The following LCLAT1 variants were observed in gnomAD, a reference collection of about 807,000 sequenced individuals.
LCLAT1 encodes the protein lysocardiolipin acyltransferase 1, also known as 1-AGP acyltransferase 8.
LCLAT1 carries 11 observed loss-of-function variants against 30.7 expected under a neutral mutation model. The ratio of observed to expected loss-of-function variants is 0.36; its 90% CI spans 0.23 to 0.59. The LOEUF is 0.59. Ranked by LOEUF, LCLAT1 falls within the 20% of genes least tolerant of loss-of-function variation. LCLAT1 has a pLI of 0.77. For missense variants in LCLAT1, 402 were observed against 458.6 expected (o/e 0.88, Z 1.13); for synonymous variants, 155 against 151.3 (o/e 1.02, Z -0.18).
intron 3 of LCLAT1, among the ~76,000 whole-genome samples, chr2:30,556,440 G>C (rs1189865338): frequency 6.6e-6 from 1 of 151,900 alleles, no homozygotes; most frequent in Non-Finnish European, 1.5e-5. Context: ...CAGAAAATGG[G>C]AGAAAAATGG....
intron 5 of LCLAT1, among the ~76,000 whole-genome samples, chr2:30,621,200 T>C (rs1239926009): frequency 1.3e-5 from 2 of 152,202 alleles, no homozygotes; most frequent in African/African-American, 2.4e-5. Context: ...ATCCAGATGT[T>C]GACTCTCATG....
chr2:30,477,694 A>T (rs1683117855), intron 1 of LCLAT1, among the ~76,000 whole-genome samples: 1 of 152,168 alleles, frequency 6.6e-6, no homozygotes, highest in South Asian at 2.1e-4. Context: ...AATGAGAAGG[A>T]ATGTGAGAAG....
intron 3 of LCLAT1, among the ~76,000 whole-genome samples, chr2:30,537,542 A>ACACACACACACG: frequency 1.3e-5 from 2 of 151,918 alleles, no homozygotes; most frequent in South Asian, 4.2e-4. Context: ...ACACACACAC[A>ACACACACACACG]CACGCACGCA....
At chr2:30,609,201 G>A (rs1336083062) in intron 5 of LCLAT1, among the ~76,000 whole-genome samples, 2 of 151,962 alleles carry the variant, frequency 1.3e-5, no homozygotes, top group Non-Finnish European at 2.9e-5. Context: ...AGACATTGCA[G>A]GTATGTTCTA....
intron 1 of LCLAT1, among the ~76,000 whole-genome samples, chr2:30,500,342 G>A (rs1039671558): frequency 5.3e-5 from 8 of 152,136 alleles, no homozygotes; most frequent in Non-Finnish European, 8.8e-5. Context: ...TCAGGTTAGA[G>A]TTGTTTTGTA....
intron 1 of LCLAT1, among the ~76,000 whole-genome samples, chr2:30,498,832 G>A (rs556486725): frequency 3.3e-5 from 5 of 152,268 alleles, no homozygotes; most frequent in African/African-American, 1.2e-4. Context: ...CATTTTTAAT[G>A]CAACCAATTT....
At chr2:30,590,630 T>C (rs1312477131) in intron 5 of LCLAT1, among the ~76,000 whole-genome samples, 2 of 151,388 alleles carry the variant, frequency 1.3e-5, no homozygotes, top group East Asian at 1.9e-4. Flanking sequence ...TACTTTGGAA[T>C]GGAAACTTGA....
At chr2:30,624,079 T>A (rs943294150) in intron 5 of LCLAT1, among the ~76,000 whole-genome samples, 4 of 152,156 alleles carry the variant, frequency 2.6e-5, no homozygotes, top group Admixed American at 2.6e-4. Context: ...GAATTTGCCA[T>A]TACCAAGCCA....
chr2:30,499,316 G>T (rs1334152721), intron 1 of LCLAT1, among the ~76,000 whole-genome samples: 1 of 152,176 alleles, frequency 6.6e-6, no homozygotes, highest in African/African-American at 2.4e-5. Context: ...GAGTAGCTGG[G>T]ATTACAGGTG....
chr2:30,562,289 A>G lies in LCLAT1; in HGVS notation c.508A>G (p.Thr170Ala), dbSNP rs773849999. ...LLIFPEGTDL[T>A]ENSKSRSNAF... Reference sequence around the variant, plus strand: ...CATATTCCCAGAAGGGACTGATCTCACAGGTAATGTAGCCTGGGTTTGGCA... The same window carrying G: ...CATATTCCCAGAAGGGACTGATCTCGCAGGTAATGTAGCCTGGGTTTGGCA... The change falls in exon 4 of 6, where the codon ACA (threonine) becomes GCA (alanine). Residue 170 changes from threonine to alanine, a missense_variant. Coordinates refer to ENST00000379509, the MANE Select transcript of LCLAT1 (RefSeq NM_001002257.3). 1 of 1,594,630 alleles carries G rather than the reference A, an allele frequency of 6.3e-7. No homozygotes were observed. Among genetic ancestry groups the G allele is most frequent in the Non-Finnish European group, 8.6e-7 (1 of 1,164,788 alleles).
At chr2:30,490,748 A>G (rs1194377476) in intron 1 of LCLAT1, among the ~76,000 whole-genome samples, 3 of 152,178 alleles carry the variant, frequency 2.0e-5, no homozygotes, top group Non-Finnish European at 4.4e-5. Flanking sequence ...AGTTTTAAAG[A>G]TTTGATTTTG....
At chr2:30,561,167 T>C (rs1484797544) in intron 3 of LCLAT1, among the ~76,000 whole-genome samples, 1 of 152,134 alleles carries the variant, frequency 6.6e-6, no homozygotes. Flanking sequence ...GGTCTCGAAC[T>C]CCTGACCTCA....
chr2:30,540,743 C>T (rs1031733741), intron 3 of LCLAT1, among the ~76,000 whole-genome samples: 1 of 151,680 alleles, frequency 6.6e-6, no homozygotes, highest in South Asian at 2.1e-4. Context: ...TGGCTCACTG[C>T]AATGTCCGCC....
At chr2:30,563,746 A>C (rs1480979978) in intron 4 of LCLAT1, among the ~76,000 whole-genome samples, 1 of 152,250 alleles carries the variant, frequency 6.6e-6, no homozygotes, top group African/African-American at 2.4e-5. Context: ...TAATTTATGG[A>C]ACTCATTATT....
intron 5 of LCLAT1, among the ~76,000 whole-genome samples, chr2:30,611,483 A>G (rs1477777093): frequency 6.6e-6 from 1 of 152,132 alleles, no homozygotes; most frequent in African/African-American, 2.4e-5. Flanking sequence ...TTCCAGCCGT[A>G]TCCTCTTTAT....
At chr2:30,633,891 C>T (rs1668890682) in intron 5 of LCLAT1, among the ~76,000 whole-genome samples, 1 of 152,186 alleles carries the variant, frequency 6.6e-6, no homozygotes, top group Non-Finnish European at 1.5e-5. Context: ...GTAGAGACTA[C>T]AAAAGCCTCT....
At chr2:30,480,513 C>T (rs902808993) in intron 1 of LCLAT1, among the ~76,000 whole-genome samples, 12 of 152,152 alleles carry the variant, frequency 7.9e-5, no homozygotes, top group African/African-American at 2.9e-4. Context: ...CTTTTGAATT[C>T]CTGGAAAAAA....
At chr2:30,601,793 G>A (rs1324096483) in intron 5 of LCLAT1, among the ~76,000 whole-genome samples, 1 of 150,254 alleles carries the variant, frequency 6.7e-6, no homozygotes, top group Non-Finnish European at 1.5e-5. Flanking sequence ...TCCATAAATA[G>A]TATAATTTAA....
At chr2:30,563,678 T>C (rs567220829) in intron 4 of LCLAT1, among the ~76,000 whole-genome samples, 21 of 152,266 alleles carry the variant, frequency 1.4e-4, no homozygotes, top group African/African-American at 5.1e-4. Flanking sequence ...AGGGCAACCC[T>C]TGGAATTTAA....
Sources: allele counts gnomAD v4.1 joint callset (sites outside exome capture counted in the v4.1 genomes callset), GRCh38; gene constraint gnomAD v4.1.1; transcripts MANE v1.5; gene names NCBI Gene and HGNC (gene_info 2026-07-23, HGNC 2026-07-21).